ACAD9: variants seen among roughly 807,000 people sequenced by gnomAD.
ACAD9 encodes complex I assembly factor ACAD9, mitochondrial.
In ACAD9, 53 loss-of-function variants were observed where a neutral mutation model predicts 70.2. The ratio of observed to expected loss-of-function variants is 0.75; its 90% confidence interval spans 0.61 to 0.95. The LOEUF (loss-of-function observed/expected upper bound fraction) is 0.95, where lower values mean the gene tolerates loss of function less well. Among genes scored for constraint, ACAD9 ranks in the 40% least tolerant of loss-of-function variants. The probability of loss-of-function intolerance (pLI) is 0.00; values close to 1 mark genes in which losing one functional copy is unlikely to be tolerated. For synonymous variants in ACAD9, 313 were observed against 312.1 expected (o/e 1.00, Z -0.03); for missense variants, 777 against 802.8 (o/e 0.97, Z 0.39).
chr3:128,880,712 A>G (rs1935065218), intron 1 of ACAD9, among the ~76,000 whole-genome samples: 1 of 152,182 alleles, frequency 6.6e-6, no homozygotes, highest in South Asian at 2.1e-4. Context: ...CAGCCTTAAA[A>G]TGGAGATAGT....
intron 12 of ACAD9, among the ~76,000 whole-genome samples, chr3:128,907,498 G>A (rs1935928361): frequency 1.3e-5 from 2 of 152,164 alleles, no homozygotes; most frequent in African/African-American, 2.4e-5. Flanking sequence ...GAGCCTGCTC[G>A]GAGCTGGGTG....
chr3:128,887,644 A>AATAAATAAATATATATATATAT (rs1436892805), intron 2 of ACAD9, among the ~76,000 whole-genome samples: 1 of 133,106 alleles, frequency 7.5e-6, no homozygotes, highest in African/African-American at 2.9e-5. Flanking sequence ...AAAATAAATA[A>AATAAATAAATATATATATATAT]ATATATATAT....
intron 7 of ACAD9, among the ~76,000 whole-genome samples, chr3:128,900,516 C>T (rs1935707346): frequency 6.6e-6 from 1 of 151,300 alleles, no homozygotes; most frequent in Non-Finnish European, 1.5e-5. Context: ...TGAGCCACCG[C>T]ACCCGGCCTT....
chr3:128,909,685 G>A, intron 15 of ACAD9: 2 of 602,566 alleles, frequency 3.3e-6, no homozygotes, highest in South Asian at 2.0e-5. Flanking sequence ...GAATCGGGAG[G>A]GCAGCTCCAC....
intron 3 of ACAD9, among the ~76,000 whole-genome samples, chr3:128,894,533 CT>C (rs34217688): frequency 0.045 from 5,947 of 133,156 alleles, 63 homozygotes; most frequent in Non-Finnish European, 0.057. Context: ...AGATTGCGAG[CT>C]TTTTTTTTTT....
At chr3:128,882,969 A>G (rs1935136180) in intron 1 of ACAD9, among the ~76,000 whole-genome samples, 1 of 152,114 alleles carries the variant, frequency 6.6e-6, no homozygotes, top group African/African-American at 2.4e-5. Flanking sequence ...ATGATCTCTA[A>G]CACAGCCCAT....
intron 8 of ACAD9, 22 bp downstream of exon 8, chr3:128,901,371 C>T: frequency 2.5e-6 from 4 of 1,613,804 alleles, no homozygotes; most frequent in Non-Finnish European, 3.4e-6. Flanking sequence ...GCCACAGCCC[C>T]TTGTACCAGG....
At chr3:128,908,104 C>T in intron 12 of ACAD9, 81 bp from the exon 13 acceptor site, 1 of 1,352,516 alleles carries the variant, frequency 7.4e-7, no homozygotes, top group South Asian at 1.2e-5. Flanking sequence ...CAGGCAGTGG[C>T]CGGCTCTACC....
chr3:128,910,945 C>T, intron 17 of ACAD9, 132 bp downstream of exon 17: 1 of 1,062,822 alleles, frequency 9.4e-7, no homozygotes, highest in South Asian at 1.3e-5. Flanking sequence ...TGAGCGAGGG[C>T]CTGGGTAGGC....
At chr3:128,910,243 T>A in intron 16 of ACAD9, 94 bp downstream of exon 16, 2 of 1,583,980 alleles carry the variant, frequency 1.3e-6, no homozygotes, top group South Asian at 2.3e-5. Flanking sequence ...TGTGGTCGGG[T>A]GTGGGGGAGG....
chr3:128,902,952 G>C lies in ACAD9; in HGVS notation c.958+324G>C, dbSNP rs1409459429. ...GTTGCCACTGACCAGTAGGAGCAGAGCTGCTTGGTGAGCACACACCAAGAA... is the reference window on the plus strand; with the variant it reads ...GTTGCCACTGACCAGTAGGAGCAGACCTGCTTGGTGAGCACACACCAAGAA... On this transcript the variant is annotated intron_variant, in intron 9 of 17. Transcript: ENST00000308982. This position sits in a 1 kb window ranked among gnomAD's most constrained non-coding sequence, Gnocchi z 4.0. Among the ~76,000 whole-genome samples, 1 of 152,222 alleles carries C rather than the reference G, an allele frequency of 6.6e-6. No individual in the cohort carries two copies. The highest frequency in any genetic ancestry group is 2.4e-5 in the African/African-American group (1 of 41,454).
At chr3:128,883,547 G>A (rs1013945902) in intron 1 of ACAD9, among the ~76,000 whole-genome samples, 8 of 151,956 alleles carry the variant, frequency 5.3e-5, no homozygotes, top group African/African-American at 1.9e-4. Flanking sequence ...TAGTAGAAAC[G>A]GGGTTTCACC....
At position 128,912,601 on chromosome 3, in the gene ACAD9, A is replaced by G. The variant is rs762217879; in HGVS notation, c.1860A>G (p.Thr620=). ...TCTGTGCCCACCCTCTGGACAGGAC[A>G]TGCTGAGGCAGGGGACAGTGTCCCC... is the stretch of plus-strand genomic sequence containing the variant. The part of the protein sequence containing the change: ...AYICAHPLDR[T]C The change falls in exon 18 of 18, where the codon ACA becomes ACG. Residue 620 remains threonine (T), a synonymous_variant. Transcript: ENST00000308982. 7 of 1,613,984 alleles carry G rather than the reference A, an allele frequency of 4.3e-6. No individual in the cohort carries two copies. Among genetic ancestry groups the G allele is most frequent in the Non-Finnish European group, 5.1e-6 (6 of 1,179,836 alleles).
At chr3:128,905,165 C>CA (rs1231388098) in intron 11 of ACAD9, among the ~76,000 whole-genome samples, 1 of 148,488 alleles carries the variant, frequency 6.7e-6, no homozygotes, top group Admixed American at 6.9e-5. Context: ...AAACAAAAAA[C>CA]AAAAAACATG....
chr3:128,906,018 G>C (rs552862189), intron 11 of ACAD9, 103 bp from the exon 12 acceptor site: 1 of 1,533,750 alleles, frequency 6.5e-7, no homozygotes, highest in East Asian at 2.3e-5. Flanking sequence ...CTCCCTGGCC[G>C]ATCTCCTCCC....
Position 128,910,294 on chromosome 3 carries a change from G to C in ACAD9, c.1692+145G>C, listed in dbSNP as rs6774021. The C allele has an allele frequency of 0.023, 34,074 of 1,508,776 alleles. 1,258 individuals carry two copies. The highest frequency in any genetic ancestry group is 0.12 in the African/African-American group (8,773 of 72,892). 93.5% of individuals were successfully genotyped at this position (1,508,776 alleles called of 1,614,324 possible). A position where few individuals can be genotyped will look rare whatever the true frequency, so the allele number is the denominator to read the frequency against. ...ATGCGGTGGCCGTGGGAGGGTCTGT[G>C]CTGCTCAGGAGATGGGGCTGTTCCC... On this transcript the variant is annotated intron_variant, in intron 16 of 17. Transcript: ENST00000308982.
chr3:128,882,246 A>G (rs1008458851), intron 1 of ACAD9, among the ~76,000 whole-genome samples: 16 of 152,176 alleles, frequency 1.1e-4, no homozygotes, highest in African/African-American at 3.6e-4. Context: ...GGCATTTGAG[A>G]TTAATAGATC....
At chr3:128,895,599 C>T (rs1026877845) in intron 4 of ACAD9, among the ~76,000 whole-genome samples, 183 bp downstream of exon 4, 5 of 152,220 alleles carry the variant, frequency 3.3e-5, no homozygotes, top group Admixed American at 1.3e-4. Flanking sequence ...TGCCCACATG[C>T]GCAGTGGCCT....
chr3:128,886,980 G>A (rs2107643253), intron 2 of ACAD9, among the ~76,000 whole-genome samples: 1 of 152,002 alleles, frequency 6.6e-6, no homozygotes, highest in Admixed American at 6.5e-5. Context: ...CACCCAGGCT[G>A]GAGTGCAGTG....
Sources: allele counts gnomAD v4.1 joint callset (sites outside exome capture counted in the v4.1 genomes callset), GRCh38; gene constraint gnomAD v4.1.1; non-coding constraint Gnocchi (gnomAD v3.1); transcripts MANE v1.5; gene names NCBI Gene and HGNC (gene_info 2026-07-23, HGNC 2026-07-21).